NCKAP1: variants seen among roughly 807,000 people sequenced by gnomAD.
The protein encoded by NCKAP1 is nck-associated protein 1.
Under a neutral mutation model 151.2 loss-of-function variants are expected in NCKAP1, and 21 were observed. The ratio of observed to expected loss-of-function variants is 0.14; its 90% CI spans 0.10 to 0.20. NCKAP1 has a LOEUF of 0.20. Ranked by LOEUF, NCKAP1 falls within the 10% of genes least tolerant of loss-of-function variation. The pLI is 1.00. For missense variants in NCKAP1, 933 were observed against 1,352.1 expected (o/e 0.69, Z 4.86); for synonymous variants, 484 against 451.8 (o/e 1.07, Z -0.90).
At position 183,023,695 on chromosome 2, in the gene NCKAP1, T is replaced by C. The variant is rs114862452; in HGVS notation, c.219+111A>G. ...AAACCCTTAAGGTATATAATCTGTA[T>C]ATCAAAATGTTAAAAATTAGGTAAA... On this transcript the variant is annotated intron_variant, in intron 2 of 30. Coordinates refer to ENST00000361354, the MANE Select transcript of NCKAP1 (RefSeq NM_013436.5). The C allele has an allele frequency of 6.7e-3, 5,502 of 816,492 alleles. 134 individuals carry two copies. Among genetic ancestry groups the C allele is most frequent in the African/African-American group, 0.065 (3,699 of 57,322 alleles). 50.6% of individuals were successfully genotyped at this position (816,492 alleles called of 1,614,324 possible).
intron 8 of NCKAP1, among the ~76,000 whole-genome samples, chr2:182,989,611 T>C (rs977552042): frequency 4.0e-5 from 6 of 151,826 alleles, no homozygotes; most frequent in South Asian, 4.2e-4. Context: ...CTGCGGGAGG[T>C]TGAAGTGGGA....
At chr2:182,956,665 A>G (rs768489860) in intron 19 of NCKAP1, 72 bp from the exon 20 acceptor site, 38 of 1,432,444 alleles carry the variant, frequency 2.7e-5, no homozygotes, top group Non-Finnish European at 3.5e-5. Context: ...TTTTATAAAT[A>G]TATCAACCTT....
intron 2 of NCKAP1, among the ~76,000 whole-genome samples, chr2:183,018,693 T>TAA (rs1698741456): frequency 6.6e-6 from 1 of 152,202 alleles, no homozygotes; most frequent in Non-Finnish European, 1.5e-5. Context: ...CCATAACTTT[T>TAA]AAAAAGTGTG....
At chr2:182,998,865 A>G (rs1172892568) in intron 6 of NCKAP1, among the ~76,000 whole-genome samples, 2 of 135,200 alleles carry the variant, frequency 1.5e-5, no homozygotes, top group Non-Finnish European at 3.2e-5. Context: ...AAAGGGGGGA[A>G]GGAAGGAAGG....
Position 182,913,046 on chromosome 2 carries a change from AGTT to A in NCKAP1, c.*12653_*12655del, listed in dbSNP as rs1696419932. 1 of 152,180 alleles carries A rather than the reference AGTT, an allele frequency of 6.6e-6. No homozygotes were observed. Among genetic ancestry groups the A allele is most frequent in the Non-Finnish European group, 1.5e-5 (1 of 68,026 alleles). 9.4% of individuals were successfully genotyped at this position (152,180 alleles called of 1,614,324 possible). ...CAGTTTTGACGTTACCATGTTGAAT[AGTT>A]GTTATTTGTTTTACTGTCTGCCTCC... On this transcript the variant is annotated 3_prime_UTR_variant, in exon 31 of 31. Transcript: ENST00000361354.
At chr2:182,980,543 T>G (rs1697915953) in intron 13 of NCKAP1, among the ~76,000 whole-genome samples, 1 of 152,080 alleles carries the variant, frequency 6.6e-6, no homozygotes, top group Admixed American at 6.6e-5. Flanking sequence ...TCAGTTTATT[T>G]GGAATAAAAA....
rs1342338398 is a variant in NCKAP1, at chr2:182,930,783, T to C, written c.2865A>G (p.Ala955=). 2.7e-5 allele frequency: 44 copies of C among 1,612,198 alleles called. No homozygotes were observed. Among genetic ancestry groups the C allele is most frequent in the Non-Finnish European group, 3.7e-5 (44 of 1,178,482 alleles). ...CTGATGATAACTCATACACATTCAT[T>C]GCAACCTGATAAAAACAAAAGAATT... is the stretch of plus-strand genomic sequence containing the variant. ...HIPRETDMKV[A]MNVYELSSAA... The change falls in exon 27 of 31, where the codon GCA becomes GCG. Residue 955 remains alanine, a synonymous_variant. Coordinates refer to ENST00000361354, the MANE Select transcript of NCKAP1 (RefSeq NM_013436.5).
At chr2:183,028,739 A>G (rs1698946979) in intron 1 of NCKAP1, among the ~76,000 whole-genome samples, 1 of 152,174 alleles carries the variant, frequency 6.6e-6, no homozygotes, top group African/African-American at 2.4e-5. Flanking sequence ...AATAAGTTCC[A>G]AATATTTTTT....
At chr2:182,937,862 A>T (rs752144609) in intron 24 of NCKAP1, among the ~76,000 whole-genome samples, 4 of 152,160 alleles carry the variant, frequency 2.6e-5, no homozygotes, top group Admixed American at 1.3e-4. Context: ...CAAAATAGTC[A>T]ATAAAGAAAA....
At chr2:182,989,293 T>C (rs1012370044) in intron 8 of NCKAP1, 107 bp from the exon 9 acceptor site, 13 of 790,074 alleles carry the variant, frequency 1.6e-5, no homozygotes, top group African/African-American at 1.4e-4. Flanking sequence ...GATCACTAAA[T>C]TGAGGCTTCT....
chr2:182,941,790 T>C (rs1179280276), intron 24 of NCKAP1, among the ~76,000 whole-genome samples: 1 of 152,198 alleles, frequency 6.6e-6, no homozygotes, highest in Non-Finnish European at 1.5e-5. Flanking sequence ...ATTTACTGTA[T>C]TAAATTTAAT....
At chr2:182,946,143 T>C (rs1218249619) in intron 23 of NCKAP1, among the ~76,000 whole-genome samples, 1 of 152,182 alleles carries the variant, frequency 6.6e-6, no homozygotes, top group Non-Finnish European at 1.5e-5. Context: ...CTCACGCCTG[T>C]AATCTCAGCA....
At chr2:183,017,847 T>A (rs1018948201) in intron 2 of NCKAP1, among the ~76,000 whole-genome samples, 11 of 152,182 alleles carry the variant, frequency 7.2e-5, no homozygotes, top group African/African-American at 2.7e-4. Context: ...AAATGTTAAG[T>A]TAACAGCTTC....
At chr2:182,962,081 AAAC>A (rs1179175717) in intron 18 of NCKAP1, 75 bp downstream of exon 18, 22 of 1,446,728 alleles carry the variant, frequency 1.5e-5, no homozygotes, top group African/African-American at 1.4e-4. Flanking sequence ...ATGGAAAGTA[AAAC>A]AACAACTGGC....
At chr2:183,011,593 T>C (rs1301853017) in intron 2 of NCKAP1, among the ~76,000 whole-genome samples, 3 of 152,234 alleles carry the variant, frequency 2.0e-5, no homozygotes, top group Admixed American at 1.3e-4. Flanking sequence ...TTTATCGTAG[T>C]TTGTTCCTTT....
At chr2:182,949,713 G>A (rs1436493899) in intron 23 of NCKAP1, among the ~76,000 whole-genome samples, 1 of 152,210 alleles carries the variant, frequency 6.6e-6, no homozygotes, top group African/African-American at 2.4e-5. Flanking sequence ...AGAATCGCCT[G>A]AGCCCAGGGG....
At chr2:183,005,775 A>C (rs990062433) in intron 2 of NCKAP1, among the ~76,000 whole-genome samples, 1 of 152,074 alleles carries the variant, frequency 6.6e-6, no homozygotes, top group African/African-American at 2.4e-5. Context: ...TAGCCAAAAC[A>C]ATCTATTCAC....
chr2:183,021,494 C>T (rs1698797136), intron 2 of NCKAP1, among the ~76,000 whole-genome samples: 1 of 152,072 alleles, frequency 6.6e-6, no homozygotes, highest in South Asian at 2.1e-4. Context: ...ACCTGTGGCC[C>T]TAGCTACTTA....
intron 8 of NCKAP1, among the ~76,000 whole-genome samples, chr2:182,994,136 T>C (rs1698221193): frequency 6.6e-6 from 1 of 152,238 alleles, no homozygotes. Flanking sequence ...AGTAATTTAT[T>C]AAACTGAAGT....
Sources: allele counts gnomAD v4.1 joint callset (sites outside exome capture counted in the v4.1 genomes callset), GRCh38; gene constraint gnomAD v4.1.1; transcripts MANE v1.5; gene names NCBI Gene and HGNC (gene_info 2026-07-23, HGNC 2026-07-21).